PASD1: variants seen among roughly 807,000 people sequenced by gnomAD.
PASD1 encodes the protein circadian clock protein PASD1.
Under a neutral mutation model 58.8 loss-of-function variants are expected in PASD1, and 13 were observed. The ratio of observed to expected loss-of-function variants is 0.22; its 90% CI spans 0.14 to 0.35. The LOEUF (loss-of-function observed/expected upper bound fraction) is 0.35, where lower values mean the gene tolerates loss of function less well. PASD1 is among the 10% of genes least tolerant of loss of function. The probability of loss-of-function intolerance (pLI) is 1.00; values close to 1 mark genes in which losing one functional copy is unlikely to be tolerated. For missense variants in PASD1, 734 were observed against 568.3 expected (o/e 1.29, Z -2.96); for synonymous variants, 236 against 216.7 (o/e 1.09, Z -0.78).
chrX:151,601,568 G>A lies in PASD1; in HGVS notation c.15G>A (p.Gly5=), dbSNP rs1403336858. 8.3e-7 allele frequency: 1 copy of A among 1,210,529 alleles called. No homozygotes were observed. The highest frequency in any genetic ancestry group is 3.0e-5 in the East Asian group (1 of 33,824). ...CTGAATAATGAATGAAGATGAGAGG[G>A]GAAAAGAGAAGAGGTATGCATTCAT... The part of the protein sequence containing the change: MKMR[G]EKRRDKVNPK... Residue 5 remains glycine (G), a synonymous_variant, in exon 2 of 16, where the codon GGG becomes GGA. Transcript: ENST00000370357.
chrX:151,654,096 A>G lies in PASD1; in HGVS notation c.717+5394A>G, dbSNP rs770925759. On this transcript the variant is annotated intron_variant, in intron 9 of 15. Transcript: ENST00000370357. ...ATGATCCTCCCAACTCAGCCTCCCA[A>G]GTAGCTGGGACTGCAGGCACACACT... Among the ~76,000 whole-genome samples, 6 of 102,872 alleles carry G rather than the reference A, an allele frequency of 5.8e-5. No individual in the cohort carries two copies. In the East Asian group the frequency reaches 1.2e-3, roughly 21 times the overall value. 89.3% of individuals were successfully genotyped at this position (102,872 alleles called of 115,157 possible). A position where few individuals can be genotyped will look rare whatever the true frequency, so the allele number is the denominator to read the frequency against.
At chrX:151,657,806 A>C (rs895948339) in intron 9 of PASD1, among the ~76,000 whole-genome samples, 3 of 100,077 alleles carry the variant, frequency 3.0e-5, no homozygotes, top group Non-Finnish European at 6.0e-5. Context: ...TTTTCAAAAA[A>C]CCAGCTCCTG....
intron 4 of PASD1, among the ~76,000 whole-genome samples, chrX:151,614,396 G>A (rs1163487645): frequency 9.0e-6 from 1 of 110,892 alleles, no homozygotes; most frequent in Non-Finnish European, 1.9e-5. Context: ...ATAAATTTTT[G>A]GGGGACATAA....
chrX:151,671,515 T>G, intron 12 of PASD1, 58 bp from the exon 13 acceptor site: 1 of 1,154,482 alleles, frequency 8.7e-7, no homozygotes, highest in Non-Finnish European at 1.2e-6. Flanking sequence ...GCTTGTCTTA[T>G]GCCTTAAGGA....
intron 1 of PASD1, among the ~76,000 whole-genome samples, chrX:151,583,974 G>A (rs755460763): frequency 2.7e-5 from 3 of 111,997 alleles, no homozygotes; most frequent in Non-Finnish European, 3.8e-5. Context: ...ATTTGGAGAA[G>A]AGTATGAATT....
intron 8 of PASD1, among the ~76,000 whole-genome samples, chrX:151,626,285 G>A (rs1602940217): frequency 9.0e-6 from 1 of 111,631 alleles, no homozygotes; most frequent in Admixed American, 9.5e-5. Flanking sequence ...AATCTAATGT[G>A]TTCTTTAAAA....
chrX:151,615,409 T>G (rs888318213), intron 4 of PASD1, among the ~76,000 whole-genome samples: 16 of 111,389 alleles, frequency 1.4e-4, no homozygotes, highest in Non-Finnish European at 2.4e-4. Flanking sequence ...ATCAGTGTAC[T>G]TAAAAATAAA....
chrX:151,602,727 G>T (rs1174901239), intron 2 of PASD1, among the ~76,000 whole-genome samples: 10 of 109,317 alleles, frequency 9.1e-5, no homozygotes, highest in African/African-American at 3.0e-4. Context: ...AGAAGAAGAA[G>T]AAGAATTAAA....
intron 1 of PASD1, among the ~76,000 whole-genome samples, chrX:151,579,415 G>A (rs886327334): frequency 8.9e-6 from 1 of 111,746 alleles, no homozygotes; most frequent in Non-Finnish European, 1.9e-5. Flanking sequence ...AGTAATAATA[G>A]AAGTTTTAAA....
intron 1 of PASD1, among the ~76,000 whole-genome samples, chrX:151,570,247 C>T (rs912722412): frequency 3.6e-5 from 4 of 111,197 alleles, no homozygotes; most frequent in African/African-American, 9.8e-5. Flanking sequence ...AATTAGAAAC[C>T]TAATTGCTAA....
intron 14 of PASD1, 101 bp from the exon 15 acceptor site, chrX:151,673,827 A>T: frequency 9.4e-7 from 1 of 1,059,677 alleles, no homozygotes; most frequent in Non-Finnish European, 1.3e-6. Context: ...TGTAGCCACC[A>T]AAACCAAATG....
At chrX:151,594,337 T>C (rs922112670) in intron 1 of PASD1, among the ~76,000 whole-genome samples, 5 of 112,100 alleles carry the variant, frequency 4.5e-5, no homozygotes, top group Admixed American at 3.8e-4. Context: ...TGTTTTCTGT[T>C]TGTCCTATTT....
chrX:151,568,226 A>C (rs2124217238), intron 1 of PASD1, among the ~76,000 whole-genome samples: 1 of 112,084 alleles, frequency 8.9e-6, no homozygotes, highest in East Asian at 2.8e-4. Flanking sequence ...ATATGTATTT[A>C]TGGAGTGTGT....
intron 1 of PASD1, among the ~76,000 whole-genome samples, chrX:151,585,728 A>C (rs1602910472): frequency 8.9e-6 from 1 of 111,921 alleles, no homozygotes; most frequent in East Asian, 2.8e-4. Flanking sequence ...TTGCAAGAAT[A>C]GATTGATGAT....
rs2013709501 is a variant in PASD1, at chrX:151,621,495, A to C, written c.321A>C (p.Glu107Asp). 2 of 1,197,935 alleles carry C rather than the reference A, an allele frequency of 1.7e-6. No individual in the cohort carries two copies. The highest frequency in any genetic ancestry group is 1.1e-6 in the Non-Finnish European group (1 of 887,684). The change falls in exon 6 of 16, where the codon GAA becomes GAC. Residue 107 changes from glutamate to aspartate, a missense_variant. Coordinates refer to ENST00000370357, the MANE Select transcript of PASD1 (RefSeq NM_173493.3). Reference sequence around the variant, plus strand: ...TCTTTTTACTAGAAACACATATTGAATTTTGCTGTCATTTAAAAAGAGGAA... The same window carrying C: ...TCTTTTTACTAGAAACACATATTGACTTTTGCTGTCATTTAAAAAGAGGAA... The part of the protein sequence containing the change: ...FPLLNSETHI[E>D]FCCHLKRGNV...
intron 1 of PASD1, among the ~76,000 whole-genome samples, chrX:151,565,722 T>C (rs1216268578): frequency 9.1e-6 from 1 of 110,284 alleles, no homozygotes; most frequent in Non-Finnish European, 1.9e-5. Flanking sequence ...CATGCCCGGC[T>C]AATTTTTTTG....
intron 1 of PASD1, among the ~76,000 whole-genome samples, chrX:151,566,379 A>G (rs184898429): frequency 1.8e-5 from 2 of 112,204 alleles, no homozygotes; most frequent in Admixed American, 1.9e-4. Flanking sequence ...TTAAGTTATG[A>G]GATTAATAAC....
chrX:151,633,807 A>G (rs987907590), intron 8 of PASD1, among the ~76,000 whole-genome samples: 2 of 112,555 alleles, frequency 1.8e-5, no homozygotes, highest in African/African-American at 6.4e-5. Context: ...AAAAAAGTCT[A>G]ATAAATATAA....
chrX:151,567,538 A>G (rs5924958), intron 1 of PASD1, among the ~76,000 whole-genome samples: 5,272 of 110,769 alleles, frequency 0.048, 112 homozygotes, highest in African/African-American at 0.084. Context: ...AAATGAGTCA[A>G]TGCCTACCCT....
Sources: gnomAD v4.1 joint callset for allele counts (sites outside exome capture counted in the v4.1 genomes callset) on GRCh38, gnomAD v4.1.1 for gene constraint, MANE v1.5 for transcripts, NCBI Gene and HGNC (gene_info 2026-07-23, HGNC 2026-07-21) for gene names.